Variants in CMSS1 observed in about 807,000 individuals in gnomAD.
CMSS1 encodes cms1 ribosomal small subunit homolog, also known as protein CMSS1.
CMSS1 carries 33 observed loss-of-function variants against 43.5 expected under a neutral mutation model. The observed-to-expected ratio is 0.76, with a 90% CI of 0.57 to 1.01. The LOEUF is 1.01. Ranked by LOEUF, CMSS1 falls within the 50% of genes least tolerant of loss-of-function variation. The pLI is 0.00. For missense variants in CMSS1, 313 were observed against 326.4 expected, an observed-to-expected ratio of 0.96 and a Z score of 0.32; for synonymous variants, 115 against 117.2, an observed-to-expected ratio of 0.98 and a Z score of 0.12.
chr3:100,043,305 G>A (rs2065233679), intron 1 of CMSS1, among the ~76,000 whole-genome samples: 1 of 152,152 alleles, frequency 6.6e-6, no homozygotes, highest in South Asian at 2.1e-4. Context: ...ATTCCCCTTT[G>A]AAAGATTATA....
At chr3:99,887,135 G>A (rs1195879176) in intron 1 of CMSS1, among the ~76,000 whole-genome samples, 1 of 152,024 alleles carries the variant, frequency 6.6e-6, no homozygotes, top group Admixed American at 6.6e-5. Flanking sequence ...GCCGGGCATG[G>A]TGGCGTGCCT....
intron 1 of CMSS1, among the ~76,000 whole-genome samples, chr3:99,991,278 A>G (rs1709503262): frequency 6.6e-6 from 1 of 152,224 alleles, no homozygotes; most frequent in Non-Finnish European, 1.5e-5. Flanking sequence ...CTGTTTGTGA[A>G]GTGTGAGGCC....
At chr3:99,983,389 A>AATAAATAAATAAATATATAT (rs1302972402) in intron 1 of CMSS1, among the ~76,000 whole-genome samples, 1 of 40,788 alleles carries the variant, frequency 2.5e-5, no homozygotes, top group African/African-American at 1.0e-4. Flanking sequence ...TAAATAAATA[A>AATAAATAAATAAATATATAT]ATATATATAT....
intron 1 of CMSS1, among the ~76,000 whole-genome samples, chr3:99,962,014 G>A (rs1184321712): frequency 1.3e-5 from 2 of 152,146 alleles, no homozygotes; most frequent in African/African-American, 2.4e-5. Context: ...TTGCTGATTG[G>A]GGGTTAGGGA....
chr3:99,894,771 T>C (rs1044699367), intron 1 of CMSS1, among the ~76,000 whole-genome samples: 9 of 152,144 alleles, frequency 5.9e-5, no homozygotes, highest in African/African-American at 1.9e-4. Flanking sequence ...GTAACTGTGA[T>C]AGTATGGTGA....
At chr3:99,845,892 G>C (rs1009435597) in intron 1 of CMSS1, among the ~76,000 whole-genome samples, 3 of 152,176 alleles carry the variant, frequency 2.0e-5, no homozygotes, top group Non-Finnish European at 4.4e-5. Flanking sequence ...TTCCTTGAAA[G>C]TTTGGTAAAT....
chr3:99,849,159 A>G, intron 1 of CMSS1: 1 of 1,614,174 alleles, frequency 6.2e-7, no homozygotes, highest in South Asian at 1.1e-5. Context: ...ATCCCTCATC[A>G]TTAGGGTCCT....
chr3:99,850,629 C>T lies in CMSS1; in HGVS notation c.64+32586C>T, dbSNP rs371654121. 8.4e-5 allele frequency: 135 copies of T among 1,613,866 alleles called. No homozygotes were observed. Among genetic ancestry groups the T allele is most frequent in the Middle Eastern group, 3.3e-4 (2 of 6,084 alleles). On this transcript the variant is annotated intron_variant, in intron 1 of 9. Coordinates refer to ENST00000421999, the MANE Select transcript of CMSS1 (RefSeq NM_032359.4). ...TTTTTTCTTTTATATCTTGCAGCTC[C>T]TCTTCTGCTTTTCGTAAAGACCTGT... is the stretch of plus-strand genomic sequence containing the variant.
chr3:99,990,397 A>G (rs897787905), intron 1 of CMSS1, among the ~76,000 whole-genome samples: 7 of 152,320 alleles, frequency 4.6e-5, no homozygotes, highest in African/African-American at 1.7e-4. Flanking sequence ...TGAGAGCCCT[A>G]TGCCCTTAGG....
At chr3:100,172,441 G>A (rs1179424467) in intron 8 of CMSS1, 38 bp downstream of exon 8, 2 of 1,527,064 alleles carry the variant, frequency 1.3e-6, no homozygotes, top group African/African-American at 2.7e-5. Flanking sequence ...GCCCAGGGCT[G>A]GGAGTTTGCC....
chr3:100,120,875 G>A (rs1033598627), intron 1 of CMSS1, among the ~76,000 whole-genome samples: 9 of 152,064 alleles, frequency 5.9e-5, no homozygotes, highest in Non-Finnish European at 7.4e-5. Flanking sequence ...AGAGGACACC[G>A]AGTCAACCCA....
At chr3:99,931,836 G>C (rs1396810681) in intron 1 of CMSS1, among the ~76,000 whole-genome samples, 12 of 152,108 alleles carry the variant, frequency 7.9e-5, no homozygotes, top group Admixed American at 7.9e-4. Context: ...ATTTATAATA[G>C]GAAGAAAAAT....
At chr3:99,999,898 A>G (rs556121348) in intron 1 of CMSS1, among the ~76,000 whole-genome samples, 17 of 152,300 alleles carry the variant, frequency 1.1e-4, no homozygotes, top group Non-Finnish European at 2.1e-4. Flanking sequence ...ACATAGTCCA[A>G]TTCCCTCCAT....
intron 2 of CMSS1, among the ~76,000 whole-genome samples, chr3:100,158,730 A>G (rs990903829): frequency 2.0e-5 from 3 of 152,218 alleles, no homozygotes; most frequent in Non-Finnish European, 4.4e-5. Flanking sequence ...CCTGTGCATG[A>G]TTCAGAATTA....
At chr3:99,829,155 G>A (rs1322915438) in intron 1 of CMSS1, among the ~76,000 whole-genome samples, 1 of 152,176 alleles carries the variant, frequency 6.6e-6, no homozygotes, top group East Asian at 1.9e-4. Flanking sequence ...CCTTAACCAT[G>A]AGGATTTCTT....
intron 1 of CMSS1, among the ~76,000 whole-genome samples, chr3:100,143,536 T>A (rs1158897180): frequency 6.6e-6 from 1 of 151,966 alleles, no homozygotes; most frequent in African/African-American, 2.4e-5. Context: ...GTTGATTGGA[T>A]TCTTCTACAA....
rs73858965 is a variant in CMSS1, at chr3:99,924,173, A to T, written c.64+106130A>T. The T allele has an allele frequency of 2.9e-3, 4,128 of 1,405,394 alleles. 110 individuals are homozygous for T. In the African/African-American group the frequency reaches 0.053, roughly 18 times the overall value. The allele number at this position is 1,405,394 out of a possible 1,614,324, so 87.1% of individuals were successfully genotyped here. ...TATCTTTGTATCCCTGAGACCTGGT[A>T]CAGTGGCCAGCTCATAGATTGCAGA... On this transcript the variant is annotated intron_variant, in intron 1 of 9. Transcript: ENST00000421999.
At chr3:99,929,366 A>T (rs1576579886) in intron 1 of CMSS1, among the ~76,000 whole-genome samples, 1 of 152,308 alleles carries the variant, frequency 6.6e-6, no homozygotes, top group South Asian at 2.1e-4. Flanking sequence ...TGTTTTTAAA[A>T]ACTCTATTTC....
At chr3:99,891,673 A>C (rs1284211366) in intron 1 of CMSS1, among the ~76,000 whole-genome samples, 2 of 152,192 alleles carry the variant, frequency 1.3e-5, no homozygotes, top group African/African-American at 4.8e-5. Context: ...TCTCATACCG[A>C]AAATCAGCCT....
Sources: allele counts gnomAD v4.1 joint callset (sites outside exome capture counted in the v4.1 genomes callset), GRCh38; gene constraint gnomAD v4.1.1; transcripts MANE v1.5; gene names NCBI Gene and HGNC (gene_info 2026-07-23, HGNC 2026-07-21).